PLEKHO2: variants seen among roughly 807,000 people sequenced by gnomAD.
The protein encoded by PLEKHO2 is pleckstrin homology domain-containing family O member 2.
Under a neutral mutation model 32.7 loss-of-function variants are expected in PLEKHO2, and 20 were observed. That is an observed-to-expected ratio of 0.61 (90% CI 0.43 to 0.89). The LOEUF (loss-of-function observed/expected upper bound fraction) is 0.89. Among genes scored for constraint, PLEKHO2 ranks in the 40% least tolerant of loss-of-function variants. PLEKHO2 has a pLI of 0.00. For synonymous variants in PLEKHO2, 247 were observed against 246.3 expected, an observed-to-expected ratio of 1.00 and a Z score of -0.03; for missense variants, 568 against 621.2, an observed-to-expected ratio of 0.91 and a Z score of 0.91.
Position 64,863,508 on chromosome 15 carries a change from T to G in PLEKHO2, c.484-1391T>G, listed in dbSNP as rs1319641893. 3.2e-5 allele frequency among the ~76,000 whole-genome samples: 4 copies of G among 124,890 alleles called. No homozygotes were observed. In the East Asian group the frequency reaches 1.1e-3, roughly 33 times the overall value. 81.9% of individuals were successfully genotyped at this position (124,890 alleles called of 152,430 possible). ...CAGAAGAGTTCAGGGAGGCGCTGTG[T>G]GTGTGTGTGTTTGTGTGTGTGTGTG... On this transcript the variant is annotated intron_variant, in intron 5 of 5. Transcript: ENST00000323544.
rs74723481 is a variant in PLEKHO2 at position 64,853,681 on chromosome 15, C to T, written c.163-1240C>T. The stretch of plus-strand genomic sequence containing the variant: ...TTGGAGGACCCCTCGTGCAGAGCAA[C>T]CTACTGCCTGTGACTGGAAGGAGTG... On this transcript the variant is annotated intron_variant, in intron 2 of 5. Transcript: ENST00000323544. Among the ~76,000 whole-genome samples the T allele has an allele frequency of 5.0e-3, 761 of 152,258 alleles. 5 individuals carry two copies. The highest frequency in any genetic ancestry group is 0.018 in the African/African-American group (728 of 41,562).
At chr15:64,845,455 C>G (rs535544344) in intron 1 of PLEKHO2, among the ~76,000 whole-genome samples, 1 of 151,986 alleles carries the variant, frequency 6.6e-6, no homozygotes, top group East Asian at 1.9e-4. Flanking sequence ...CTTATTAAAA[C>G]TTACTGGGGC....
chr15:64,842,382 C>G (rs539830016), intron 1 of PLEKHO2, among the ~76,000 whole-genome samples: 14,968 of 45,496 alleles, frequency 0.33, 2,309 homozygotes, highest in African/African-American at 0.55. Context: ...CTGACTCTCT[C>G]TCTCTCTCTG....
rs894724780 is a variant in PLEKHO2 at position 64,866,440 on chromosome 15, C to T, written c.*552C>T. The T allele has an allele frequency of 2.4e-5, 11 of 455,124 alleles. No homozygotes were observed. Among genetic ancestry groups the T allele is most frequent in the Non-Finnish European group, 4.4e-5 (10 of 226,440 alleles). The allele number at this position is 455,124 out of a possible 1,614,324, so 28.2% of individuals were successfully genotyped here. A position where few individuals can be genotyped will look rare whatever the true frequency, so the allele number is the denominator to read the frequency against. On this transcript the variant is annotated 3_prime_UTR_variant, in exon 6 of 6. Transcript: ENST00000323544. Reference sequence around the variant, plus strand: ...AGGTTCATCCCTCAGTTGGGGGGAACGTAGGACCCAGCTGGAGCCTCTTGA... The same window carrying T: ...AGGTTCATCCCTCAGTTGGGGGGAATGTAGGACCCAGCTGGAGCCTCTTGA...
chr15:64,853,969 C>T (rs570771768), intron 2 of PLEKHO2, among the ~76,000 whole-genome samples: 3 of 152,140 alleles, frequency 2.0e-5, no homozygotes, highest in South Asian at 2.1e-4. Context: ...CTTTTTGGCC[C>T]GTCCCAGGGT....
intron 2 of PLEKHO2, among the ~76,000 whole-genome samples, chr15:64,849,977 G>C (rs577306461): frequency 9.3e-5 from 14 of 151,336 alleles, no homozygotes; most frequent in African/African-American, 3.4e-4. Flanking sequence ...CCTGACCAAC[G>C]TGGAGAAACC....
At chr15:64,853,437 C>T (rs950435900) in intron 2 of PLEKHO2, among the ~76,000 whole-genome samples, 9 of 151,566 alleles carry the variant, frequency 5.9e-5, no homozygotes, top group Non-Finnish European at 7.4e-5. Context: ...CCACCACGCC[C>T]GGCTAACTGC....
Position 64,865,061 on chromosome 15 carries a change from A to T in PLEKHO2, c.646A>T (p.Thr216Ser). 6.2e-7 allele frequency: 1 copy of T among 1,614,044 alleles called. No homozygotes were observed. The highest frequency in any genetic ancestry group is 8.5e-7 in the Non-Finnish European group (1 of 1,179,988). The change falls in exon 6 of 6, where the codon ACC becomes TCC. Residue 216 changes from threonine (T) to serine (S), a missense_variant. Thr to Ser is a moderately conservative substitution (Grantham distance 58). Transcript: ENST00000323544. The stretch of plus-strand genomic sequence containing the variant: ...CAAGCCTTTCCTAGCACCTGAGACC[A>T]CCAGCCCTGGTGACAGGGTGGAGAC... ...PTKPFLAPET[T>S]SPGDRVETPV...
At chr15:64,851,015 T>C (rs1209286741) in intron 2 of PLEKHO2, among the ~76,000 whole-genome samples, 1 of 152,172 alleles carries the variant, frequency 6.6e-6, no homozygotes, top group Non-Finnish European at 1.5e-5. Flanking sequence ...TTCACAGTTG[T>C]CCCAGGACAA....
intron 5 of PLEKHO2, among the ~76,000 whole-genome samples, chr15:64,863,183 A>G (rs1223867798): frequency 1.3e-5 from 2 of 151,930 alleles, no homozygotes; most frequent in Admixed American, 6.6e-5. Flanking sequence ...TGATCTGCCC[A>G]CTTTGGCCTC....
rs1010752083 is a variant in PLEKHO2, at chr15:64,866,951, TAGG to T, written c.*1066_*1068del. 1.3e-5 allele frequency: 2 copies of T among 152,806 alleles called. No individual in the cohort carries two copies. Among genetic ancestry groups the T allele is most frequent in the Non-Finnish European group, 2.9e-5 (2 of 68,408 alleles). The allele number at this position is 152,806 out of a possible 1,614,324, so 9.5% of individuals were successfully genotyped here. On this transcript the variant is annotated 3_prime_UTR_variant, in exon 6 of 6. Transcript: ENST00000323544. ...GATGGGCTGCTCTCCTGTAACTTTC[TAGG>T]AGAAGAGACATTTTCTTCTTTCCCT...
intron 3 of PLEKHO2, among the ~76,000 whole-genome samples, chr15:64,856,223 C>A (rs1331686546): frequency 6.6e-6 from 1 of 152,100 alleles, no homozygotes; most frequent in Non-Finnish European, 1.5e-5. Flanking sequence ...TCCTGGAGAC[C>A]CACTTCCTTC....
chr15:64,856,760 C>T (rs924022436), intron 3 of PLEKHO2, among the ~76,000 whole-genome samples: 2 of 152,168 alleles, frequency 1.3e-5, no homozygotes, highest in African/African-American at 2.4e-5. Context: ...TGACCCTCCC[C>T]ACCCCAGGAG....
rs185118209 is a variant in PLEKHO2, at chr15:64,852,185, A to G, written c.163-2736A>G. Among the ~76,000 whole-genome samples, 7 of 152,250 alleles carry G rather than the reference A, an allele frequency of 4.6e-5. No homozygotes were observed. The East Asian group carries it at 9.7e-4, about 21-fold the overall frequency. ...TTGCAGGTGTTTTGTAGATGTTTGC[A>G]TCCCCCTGGCAGTAAATGATGGGAT... On this transcript the variant is annotated intron_variant, in intron 2 of 5. Coordinates refer to ENST00000323544, the MANE Select transcript of PLEKHO2 (RefSeq NM_025201.5).
chr15:64,845,866 G>A (rs1302315650), intron 1 of PLEKHO2, among the ~76,000 whole-genome samples: 2 of 152,162 alleles, frequency 1.3e-5, no homozygotes. Flanking sequence ...CCTTGGGGTG[G>A]TGGGTGGGTC....
In PLEKHO2 at chr15:64,867,095, CT is replaced by C. The variant is rs2084694981; in HGVS notation, c.*1208del. On this transcript the variant is annotated 3_prime_UTR_variant, in exon 6 of 6. Coordinates refer to ENST00000323544, the MANE Select transcript of PLEKHO2 (RefSeq NM_025201.5). ...GCAGCAGCTGGACTGAGGGCAGAGCCTGTAGGTGCAGAGGCCCTGGCTCCCG... is the reference window on the plus strand; with the variant it reads ...GCAGCAGCTGGACTGAGGGCAGAGCCGTAGGTGCAGAGGCCCTGGCTCCCG... 1 of 152,754 alleles carries C rather than the reference CT, an allele frequency of 6.5e-6. No individual in the cohort carries two copies. The highest frequency in any genetic ancestry group is 6.5e-5 in the Admixed American group (1 of 15,270). 9.5% of individuals were successfully genotyped at this position (152,754 alleles called of 1,614,324 possible).
intron 2 of PLEKHO2, among the ~76,000 whole-genome samples, chr15:64,853,970 G>C (rs957243396): frequency 6.6e-6 from 1 of 152,114 alleles, no homozygotes; most frequent in Admixed American, 6.5e-5. Context: ...TTTTTGGCCC[G>C]TCCCAGGGTG....
intron 3 of PLEKHO2, among the ~76,000 whole-genome samples, chr15:64,859,224 T>G (rs1350879814): frequency 1.3e-5 from 2 of 152,252 alleles, no homozygotes; most frequent in East Asian, 3.8e-4. Context: ...AACAATGCTA[T>G]GAGCATGGGT....
intron 1 of PLEKHO2, among the ~76,000 whole-genome samples, chr15:64,844,658 T>C (rs2140337417): frequency 6.6e-6 from 1 of 152,282 alleles, no homozygotes; most frequent in East Asian, 1.9e-4. Context: ...CTTTCTGGGC[T>C]GTACTTTCTC....
Sources: allele counts gnomAD v4.1 joint callset (sites outside exome capture counted in the v4.1 genomes callset), GRCh38; gene constraint gnomAD v4.1.1; transcripts MANE v1.5; gene names NCBI Gene and HGNC (gene_info 2026-07-23, HGNC 2026-07-21).